Variants in MET observed in about 807,000 individuals in gnomAD.
MET encodes hepatocyte growth factor receptor.
MET carries 48 observed loss-of-function variants against 133.1 expected under a neutral mutation model. The ratio of observed to expected loss-of-function variants is 0.36; its 90% CI spans 0.29 to 0.46. The LOEUF (loss-of-function observed/expected upper bound fraction) is 0.46, where lower values mean the gene tolerates loss of function less well. MET is among the 20% of genes least tolerant of loss of function. The probability of loss-of-function intolerance (pLI) is 1.00; values close to 1 mark genes in which losing one functional copy is unlikely to be tolerated. For missense variants in MET, 1,442 were observed against 1,695.9 expected (o/e 0.85, Z 2.63); for synonymous variants, 628 against 616.5 (o/e 1.02, Z -0.28).
chr7:116,766,879 C>G (rs1371722654), intron 11 of MET, among the ~76,000 whole-genome samples: 2 of 152,092 alleles, frequency 1.3e-5, no homozygotes, highest in African/African-American at 4.8e-5. Context: ...TTTGGTTTGC[C>G]CAGCTTTTCC....
chr7:116,738,385 C>A (rs1793314333), intron 3 of MET, among the ~76,000 whole-genome samples: 1 of 152,110 alleles, frequency 6.6e-6, no homozygotes, highest in Non-Finnish European at 1.5e-5. Flanking sequence ...TGCTTGTAAC[C>A]AGTACCCAAA....
intron 11 of MET, among the ~76,000 whole-genome samples, chr7:116,768,749 A>G (rs1794724707): frequency 6.6e-6 from 1 of 152,210 alleles, no homozygotes; most frequent in South Asian, 2.1e-4. Flanking sequence ...GCTTTGATAT[A>G]TGTCACCTCA....
rs188998817 is a variant in MET, at chr7:116,673,358, T to C, written c.-15+781T>C. On this transcript the variant is annotated intron_variant, in intron 1 of 20. Transcript: ENST00000397752. ...AATAGTTGCCCAGTGTATTTTACCTTATCACAGTTTTATGTTCAAAGGAGC... is the reference window on the plus strand; with the variant it reads ...AATAGTTGCCCAGTGTATTTTACCTCATCACAGTTTTATGTTCAAAGGAGC... Among the ~76,000 whole-genome samples, 416 of 152,350 alleles carry C rather than the reference T, an allele frequency of 2.7e-3. 1 individual carries two copies. The highest frequency in any genetic ancestry group is 5.0e-3 in the Admixed American group (77 of 15,304).
chr7:116,743,945 C>T (rs556268027), intron 5 of MET, among the ~76,000 whole-genome samples: 73 of 152,254 alleles, frequency 4.8e-4, no homozygotes, highest in Middle Eastern at 6.8e-3. Flanking sequence ...AGCAGTGAGG[C>T]CTGACTGTTA....
At chr7:116,773,250 A>G (rs1794889611) in intron 14 of MET, among the ~76,000 whole-genome samples, 1 of 152,170 alleles carries the variant, frequency 6.6e-6, no homozygotes, top group African/African-American at 2.4e-5. Context: ...GCACAGCCAA[A>G]ACCTAATGAA....
chr7:116,686,619 C>T (rs972015883), intron 1 of MET, among the ~76,000 whole-genome samples: 4 of 152,208 alleles, frequency 2.6e-5, no homozygotes, highest in African/African-American at 9.6e-5. Flanking sequence ...CCAGTAAATA[C>T]TTGTCAAATT....
chr7:116,778,732 C>T (rs1166368854), intron 16 of MET, 44 bp from the exon 17 acceptor site: 1 of 1,596,876 alleles, frequency 6.3e-7, no homozygotes, highest in Non-Finnish European at 8.6e-7. Context: ...AAAGTATTCA[C>T]TGTTCCATAA....
intron 3 of MET, 65 bp downstream of exon 3, chr7:116,731,924 T>G: frequency 5.2e-6 from 8 of 1,537,074 alleles, no homozygotes; most frequent in Non-Finnish European, 7.2e-6. Context: ...TTTGTTTTCG[T>G]TTTTGCAGTA....
chr7:116,797,353 G>A lies in MET; in HGVS notation c.*1229G>A. ...GAAAAGATTAGCCTCTGTCTCGGTG[G>A]CAGGTTCCCACCTCGCAAGCAATTG... On this transcript the variant is annotated 3_prime_UTR_variant, in exon 21 of 21. Transcript: ENST00000397752. 1 of 228,604 alleles carries A rather than the reference G, an allele frequency of 4.4e-6. No individual in the cohort carries two copies. Among genetic ancestry groups the A allele is most frequent in the East Asian group, 6.3e-5 (1 of 15,970 alleles). The allele number at this position is 228,604 out of a possible 1,614,324, so 14.2% of individuals were successfully genotyped here. A position where few individuals can be genotyped will look rare whatever the true frequency, so the allele number is the denominator to read the frequency against.
rs756610496 is a variant in MET at position 116,758,432 on chromosome 7, T to C, written c.2103-27T>C. The C allele has an allele frequency of 5.0e-6, 8 of 1,607,200 alleles. No individual in the cohort carries two copies. In the Admixed American group the frequency reaches 1.3e-4, roughly 27 times the overall value. The stretch of plus-strand genomic sequence containing the variant: ...ATATGTGTATCTCTAATAGCTAAAA[T>C]TCACTTCCTTAATTTTTTTTGTTCA... On this transcript the variant is annotated intron_variant, in intron 8 of 20. Transcript: ENST00000397752.
intron 11 of MET, among the ~76,000 whole-genome samples, chr7:116,767,854 T>C (rs969294088): frequency 6.6e-6 from 1 of 151,006 alleles, no homozygotes; most frequent in African/African-American, 2.4e-5. Flanking sequence ...ATGACAAAAA[T>C]TAGCCTATAC....
chr7:116,775,526 A>G (rs1338487585), intron 15 of MET, among the ~76,000 whole-genome samples: 1 of 152,074 alleles, frequency 6.6e-6, no homozygotes. Context: ...CAACATGGCA[A>G]AACCCCGTCT....
chr7:116,773,102 C>T (rs987611282), intron 14 of MET, among the ~76,000 whole-genome samples: 1 of 152,082 alleles, frequency 6.6e-6, no homozygotes, highest in Non-Finnish European at 1.5e-5. Flanking sequence ...TTCTTTGAAC[C>T]TCCTTACTCA....
At chr7:116,787,832 G>A (rs1031144960) in intron 19 of MET, among the ~76,000 whole-genome samples, 2 of 152,086 alleles carry the variant, frequency 1.3e-5, no homozygotes, top group Non-Finnish European at 2.9e-5. Flanking sequence ...TAGCTAATGA[G>A]CACATGAAAT....
At position 116,758,570 on chromosome 7, in the gene MET, C is replaced by T. The variant is rs777367882; in HGVS notation, c.2214C>T (p.Tyr738=). The T allele has an allele frequency of 3.1e-6, 5 of 1,613,606 alleles. No individual in the cohort carries two copies. The highest frequency in any genetic ancestry group is 4.2e-6 in the Non-Finnish European group (5 of 1,179,784). ...ACCGAGAGACAAGCATCTTCAGTTA[C>T]CGTGAAGATCCCATTGTCTATGAAA... is the stretch of plus-strand genomic sequence containing the variant. ...LANRETSIFS[Y]REDPIVYEIH... The change falls in exon 9 of 21, where the codon TAC becomes TAT. Residue 738 remains tyrosine (Y), a synonymous_variant. Transcript: ENST00000397752.
chr7:116,703,582 T>C (rs941524871), intron 2 of MET, among the ~76,000 whole-genome samples: 1 of 152,106 alleles, frequency 6.6e-6, no homozygotes, highest in African/African-American at 2.4e-5. Flanking sequence ...GGATAAGCAG[T>C]AGCAAAAATT....
intron 5 of MET, among the ~76,000 whole-genome samples, chr7:116,745,689 C>G (rs1197451596): frequency 6.6e-6 from 1 of 152,216 alleles, no homozygotes; most frequent in African/African-American, 2.4e-5. Flanking sequence ...AAAGGATTCT[C>G]TATTTAACAA....
intron 1 of MET, chr7:116,695,784 GA>G (rs1420649725): frequency 2.0e-6 from 1 of 492,142 alleles, no homozygotes; most frequent in Admixed American, 2.3e-5. Flanking sequence ...GAGTTTAGCA[GA>G]ATGCTTCCCA....
chr7:116,694,091 A>G (rs1796875405), intron 1 of MET, among the ~76,000 whole-genome samples: 1 of 152,180 alleles, frequency 6.6e-6, no homozygotes, highest in Admixed American at 6.5e-5. Context: ...AGCAGTTATC[A>G]TCATAGTGCC....
Sources: allele counts gnomAD v4.1 joint callset (sites outside exome capture counted in the v4.1 genomes callset), GRCh38; gene constraint gnomAD v4.1.1; transcripts MANE v1.5; gene names NCBI Gene and HGNC (gene_info 2026-07-23, HGNC 2026-07-21).